The following SLC39A11 variants were observed in gnomAD, a reference collection of about 807,000 sequenced individuals.
The protein encoded by SLC39A11 is solute carrier family 39 member 11.
Under a neutral mutation model 36.1 loss-of-function variants are expected in SLC39A11, and 33 were observed. That is an observed-to-expected ratio of 0.91 (90% confidence interval 0.69 to 1.22). The LOEUF (loss-of-function observed/expected upper bound fraction) is 1.22. Ranked by LOEUF, SLC39A11 falls within the 50% of genes most tolerant of loss-of-function variation. SLC39A11 has a pLI of 0.00. For synonymous variants in SLC39A11, 166 were observed against 170.3 expected (o/e 0.97, Z 0.20); for missense variants, 432 against 430.3 (o/e 1.00, Z -0.03).
chr17:72,872,923 C>A (rs999139614), intron 5 of SLC39A11, among the ~76,000 whole-genome samples: 14 of 151,732 alleles, frequency 9.2e-5, no homozygotes, highest in Non-Finnish European at 2.9e-5. Flanking sequence ...GGCGTGGTGG[C>A]GGGCACCTGT....
At chr17:73,005,220 C>A (rs528192107) in intron 4 of SLC39A11, among the ~76,000 whole-genome samples, 1 of 152,126 alleles carries the variant, frequency 6.6e-6, no homozygotes, top group African/African-American at 2.4e-5. Flanking sequence ...TCAGACGATC[C>A]GCCAACCTCT....
chr17:73,011,024 C>T (rs2090479840), intron 4 of SLC39A11, among the ~76,000 whole-genome samples: 1 of 152,200 alleles, frequency 6.6e-6, no homozygotes, highest in African/African-American at 2.4e-5. Context: ...GTGTACAGGA[C>T]ACTGCAGAGA....
At chr17:73,013,131 C>T (rs1379885301) in intron 4 of SLC39A11, among the ~76,000 whole-genome samples, 2 of 151,882 alleles carry the variant, frequency 1.3e-5, no homozygotes, top group African/African-American at 4.8e-5. Flanking sequence ...GTCTTGCTGT[C>T]ATCCAGGCTG....
At chr17:72,949,546 G>A (rs1354929183) in intron 4 of SLC39A11, among the ~76,000 whole-genome samples, 2 of 151,980 alleles carry the variant, frequency 1.3e-5, no homozygotes, top group African/African-American at 4.8e-5. Context: ...ACTGGTGAGA[G>A]CCTGCTTCTT....
chr17:72,724,722 G>C (rs888098057), intron 7 of SLC39A11, among the ~76,000 whole-genome samples: 1 of 151,904 alleles, frequency 6.6e-6, no homozygotes, highest in Non-Finnish European at 1.5e-5. Context: ...GCCAAGTGCA[G>C]AGGGGAACTT....
intron 3 of SLC39A11, among the ~76,000 whole-genome samples, chr17:73,046,474 C>T (rs1052654734): frequency 2.0e-5 from 3 of 152,058 alleles, no homozygotes; most frequent in African/African-American, 7.2e-5. Flanking sequence ...CCTAGGACTG[C>T]CCGATATAGC....
chr17:72,837,894 G>A, intron 6 of SLC39A11: 1 of 1,178,868 alleles, frequency 8.5e-7, no homozygotes, highest in Non-Finnish European at 1.1e-6. Flanking sequence ...AGGGAGGAAT[G>A]GGGAGTGACT....
intron 7 of SLC39A11, among the ~76,000 whole-genome samples, chr17:72,659,926 C>G (rs1361896428): frequency 6.6e-6 from 1 of 152,006 alleles, no homozygotes; most frequent in Admixed American, 6.6e-5. Flanking sequence ...TTAGCTGAAC[C>G]TGCTGGATTT....
intron 6 of SLC39A11, among the ~76,000 whole-genome samples, chr17:72,764,294 C>T (rs2075689911): frequency 6.6e-6 from 1 of 152,110 alleles, no homozygotes; most frequent in South Asian, 2.1e-4. Flanking sequence ...CTGCTCTGTC[C>T]CTTGGATTTC....
intron 2 of SLC39A11, among the ~76,000 whole-genome samples, chr17:73,087,812 A>G (rs7224603): frequency 0.75 from 113,146 of 151,788 alleles, 42,308 homozygotes; most frequent in East Asian, 0.85. Flanking sequence ...GGCCAGGGAC[A>G]TGGGTCTGTC....
chr17:72,725,836 C>A (rs1482764756), intron 7 of SLC39A11, among the ~76,000 whole-genome samples: 1 of 152,152 alleles, frequency 6.6e-6, no homozygotes, highest in Non-Finnish European at 1.5e-5. Flanking sequence ...GAAGAGCTTG[C>A]CTGCATAAAA....
chr17:72,954,772 G>A (rs745427269), intron 4 of SLC39A11, among the ~76,000 whole-genome samples: 1 of 152,128 alleles, frequency 6.6e-6, no homozygotes. Context: ...TCGGGAGCCC[G>A]GCACCAGGCA....
intron 7 of SLC39A11, among the ~76,000 whole-genome samples, chr17:72,721,098 T>TC (rs2073650429): frequency 6.6e-6 from 1 of 151,232 alleles, no homozygotes; most frequent in South Asian, 2.1e-4. Flanking sequence ...TTTTTTTTTT[T>TC]TTTTTTTTTA....
chr17:73,012,187 A>C (rs1412365302), intron 4 of SLC39A11, among the ~76,000 whole-genome samples: 1 of 151,888 alleles, frequency 6.6e-6, no homozygotes, highest in Non-Finnish European at 1.5e-5. Flanking sequence ...GAGGCAGAAG[A>C]ATTGCTTGAA....
At chr17:72,892,880 G>C (rs571160902) in intron 5 of SLC39A11, among the ~76,000 whole-genome samples, 2 of 152,280 alleles carry the variant, frequency 1.3e-5, no homozygotes, top group African/African-American at 4.8e-5. Context: ...GAGGGAGTGA[G>C]GGAAGGGAAC....
chr17:72,788,347 G>C (rs1050948847), intron 6 of SLC39A11, among the ~76,000 whole-genome samples: 1 of 152,134 alleles, frequency 6.6e-6, no homozygotes, highest in African/African-American at 2.4e-5. Flanking sequence ...TGCATTATTA[G>C]TTTTCTCTGA....
chr17:72,759,728 T>G (rs2075501890), intron 6 of SLC39A11, among the ~76,000 whole-genome samples: 1 of 151,966 alleles, frequency 6.6e-6, no homozygotes, highest in Admixed American at 6.6e-5. Flanking sequence ...GTAATATACT[T>G]GATATAAACA....
At chr17:72,752,898 C>T (rs189879218) in intron 6 of SLC39A11, among the ~76,000 whole-genome samples, 5 of 152,238 alleles carry the variant, frequency 3.3e-5, no homozygotes, top group South Asian at 2.1e-4. Flanking sequence ...CTCTGTGGCC[C>T]GGGCTGGAGT....
intron 4 of SLC39A11, among the ~76,000 whole-genome samples, chr17:73,012,147 G>A (rs1201715161): frequency 6.6e-6 from 1 of 151,864 alleles, no homozygotes; most frequent in Non-Finnish European, 1.5e-5. Context: ...GTGGTGGCAG[G>A]CGCCTGTAGT....
Sources: gnomAD v4.1 joint callset for allele counts (sites outside exome capture counted in the v4.1 genomes callset) on GRCh38, gnomAD v4.1.1 for gene constraint, MANE v1.5 for transcripts, NCBI Gene and HGNC (gene_info 2026-07-23, HGNC 2026-07-21) for gene names.